TANC2: variants seen among roughly 807,000 people sequenced by gnomAD.
TANC2 encodes the protein tetratricopeptide repeat, ankyrin repeat and coiled-coil containing 2.
In TANC2, 26 loss-of-function variants were observed where a neutral mutation model predicts 210.5. The observed-to-expected ratio is 0.12, with a 90% confidence interval of 0.09 to 0.17. The LOEUF is 0.17. TANC2 is among the 10% of genes least tolerant of loss of function. TANC2 has a pLI of 1.00. For synonymous variants in TANC2, 931 were observed against 967.1 expected (o/e 0.96, Z 0.69); for missense variants, 2,129 against 2,608.9 (o/e 0.82, Z 4.01).
At chr17:63,194,527 G>A (rs2041281118) in intron 6 of TANC2, among the ~76,000 whole-genome samples, 2 of 152,148 alleles carry the variant, frequency 1.3e-5, no homozygotes, top group Non-Finnish European at 2.9e-5. Context: ...GACCACAGTG[G>A]AATTTATCAA....
At chr17:63,283,662 A>G (rs543860857) in intron 9 of TANC2, among the ~76,000 whole-genome samples, 2 of 152,044 alleles carry the variant, frequency 1.3e-5, no homozygotes, top group South Asian at 4.1e-4. Context: ...CTTAATTTCT[A>G]TCAGCTGTAT....
At chr17:63,109,348 C>A (rs1287900792) in intron 4 of TANC2, among the ~76,000 whole-genome samples, 1 of 151,492 alleles carries the variant, frequency 6.6e-6, no homozygotes, top group Non-Finnish European at 1.5e-5. Context: ...AGATAACATA[C>A]AGAACATACA....
At chr17:63,171,031 A>G (rs1250349775) in intron 5 of TANC2, among the ~76,000 whole-genome samples, 1 of 150,272 alleles carries the variant, frequency 6.7e-6, no homozygotes, top group African/African-American at 2.4e-5. Context: ...TAGAGAATAT[A>G]GTCTACTTCA....
intron 14 of TANC2, among the ~76,000 whole-genome samples, chr17:63,357,847 ACTT>A (rs990804728): frequency 4.6e-5 from 7 of 152,324 alleles, no homozygotes; most frequent in African/African-American, 1.7e-4. Flanking sequence ...TTCAGCCTCC[ACTT>A]CTTGCACATT....
chr17:63,063,879 C>T (rs2036100668), intron 2 of TANC2, among the ~76,000 whole-genome samples: 1 of 152,058 alleles, frequency 6.6e-6, no homozygotes, highest in Admixed American at 6.6e-5. Flanking sequence ...TTTGATGGCC[C>T]AGAGTTCTTA....
chr17:63,418,361 T>C lies in TANC2; in HGVS notation c.4222T>C (p.Ser1408Pro). Residue 1408 changes from serine to proline, a missense_variant, in exon 27 of 28, where the codon TCT (serine) becomes CCT (proline). Coordinates refer to ENST00000689528, the Ensembl canonical transcript of TANC2. The surrounding 1 kb of genome is among the most constrained non-coding windows in gnomAD (Gnocchi z 4.6). ...TAAGGCCCTGGAGCTGAAACCGAAA[T>C]CTTATGAAGCTTACTATGCGAGAGC... is the stretch of plus-strand genomic sequence containing the variant. 6.2e-7 allele frequency: 1 copy of C among 1,613,326 alleles called. No homozygotes were observed. Among genetic ancestry groups the C allele is most frequent in the Non-Finnish European group, 8.5e-7 (1 of 1,179,722 alleles).
intron 5 of TANC2, among the ~76,000 whole-genome samples, chr17:63,169,969 A>T (rs1004804984): frequency 3.3e-5 from 5 of 150,098 alleles, no homozygotes; most frequent in African/African-American, 7.4e-5. Flanking sequence ...AATACAAAAA[A>T]TTAGCCAGGC....
chr17:63,229,563 T>C (rs1442071110), intron 7 of TANC2, among the ~76,000 whole-genome samples: 1 of 151,798 alleles, frequency 6.6e-6, no homozygotes. Flanking sequence ...GGGTTTTTTT[T>C]TTTTTTTTGG....
intron 2 of TANC2, among the ~76,000 whole-genome samples, chr17:63,067,229 T>C (rs997720781): frequency 1.8e-4 from 28 of 152,064 alleles, no homozygotes; most frequent in Non-Finnish European, 4.0e-4. Flanking sequence ...CAGAAAGAAC[T>C]AGGAAAATAG....
chr17:63,133,176 A>G (rs1598448280), intron 4 of TANC2, among the ~76,000 whole-genome samples: 1 of 151,002 alleles, frequency 6.6e-6, no homozygotes, highest in African/African-American at 2.4e-5. Context: ...GTTTCACCAT[A>G]TTGGCCAGGC....
At chr17:62,992,040 C>A (rs1035695260) in intron 1 of TANC2, among the ~76,000 whole-genome samples, 2 of 152,140 alleles carry the variant, frequency 1.3e-5, no homozygotes, top group African/African-American at 4.8e-5. Context: ...TACGTATTTA[C>A]ATAGCATTTA....
chr17:63,332,419 T>C (rs1179087503), intron 11 of TANC2: 1 of 331,628 alleles, frequency 3.0e-6, no homozygotes. Flanking sequence ...CAGTACCCTG[T>C]TGGTAATGAA....
At chr17:63,163,182 G>C (rs1372300966) in intron 5 of TANC2, among the ~76,000 whole-genome samples, 1 of 152,032 alleles carries the variant, frequency 6.6e-6, no homozygotes, top group Admixed American at 6.6e-5. Flanking sequence ...GTACCAATAG[G>C]CTCAAAGAAA....
intron 1 of TANC2, among the ~76,000 whole-genome samples, chr17:62,996,751 T>C (rs1174746011): frequency 6.6e-6 from 1 of 151,936 alleles, no homozygotes; most frequent in African/African-American, 2.4e-5. Flanking sequence ...TGAGATTATT[T>C]GTGATTGTAT....
At chr17:63,247,516 TCCTAAATTGTTACATCTGTAGACTAGA>T (rs1424301048) in intron 8 of TANC2, among the ~76,000 whole-genome samples, 6 of 151,934 alleles carry the variant, frequency 3.9e-5, no homozygotes, top group Non-Finnish European at 8.8e-5. Context: ...AATTACATCA[TCCTAAATTGTTACATCTGTAGACTAGA>T]CCTTAATTGT....
chr17:63,257,215 C>T (rs183842913), intron 8 of TANC2, among the ~76,000 whole-genome samples: 2 of 151,098 alleles, frequency 1.3e-5, no homozygotes, highest in Non-Finnish European at 2.9e-5. Flanking sequence ...GTTTTGTGTT[C>T]TTCTTTATTT....
intron 19 of TANC2, among the ~76,000 whole-genome samples, chr17:63,400,476 C>T (rs1336644960): frequency 6.6e-6 from 1 of 151,952 alleles, no homozygotes; most frequent in Admixed American, 6.6e-5. Context: ...GAATGTTGTA[C>T]ATATGTACCA....
intron 6 of TANC2, among the ~76,000 whole-genome samples, chr17:63,195,425 C>T (rs1401807294): frequency 6.6e-6 from 1 of 152,176 alleles, no homozygotes; most frequent in Admixed American, 6.5e-5. Context: ...CACGTTCACT[C>T]TTTCAGCAAA....
chr17:63,090,533 G>A (rs925383888), intron 3 of TANC2, among the ~76,000 whole-genome samples: 5 of 152,156 alleles, frequency 3.3e-5, no homozygotes, highest in African/African-American at 1.2e-4. Flanking sequence ...CAAAGGACAC[G>A]AACTCATCCT....
Sources: allele counts gnomAD v4.1 joint callset (sites outside exome capture counted in the v4.1 genomes callset), GRCh38; gene constraint gnomAD v4.1.1; non-coding constraint Gnocchi (gnomAD v3.1); transcripts MANE v1.5; gene names NCBI Gene and HGNC (gene_info 2026-07-23, HGNC 2026-07-21).